SAMD4A: variants seen among roughly 807,000 people sequenced by gnomAD.
The protein encoded by SAMD4A is protein Smaug homolog 1.
A neutral mutation model predicts 81.3 loss-of-function variants in SAMD4A; 33 were observed. The observed-to-expected ratio is 0.41, with a 90% confidence interval of 0.31 to 0.54. SAMD4A has a LOEUF of 0.54. SAMD4A is among the 20% of genes least tolerant of loss of function. SAMD4A has a pLI of 0.37. For missense variants in SAMD4A, 854 were observed against 951.1 expected (o/e 0.90, Z 1.34); for synonymous variants, 389 against 382.1 (o/e 1.02, Z -0.21).
chr14:54,680,791 C>T (rs1422962029), intron 2 of SAMD4A, among the ~76,000 whole-genome samples: 2 of 152,122 alleles, frequency 1.3e-5, no homozygotes, highest in Admixed American at 1.3e-4. Context: ...GAGGACACTG[C>T]CAGTAAGAGT....
At chr14:54,685,765 C>G in intron 2 of SAMD4A, 2 of 456,694 alleles carry the variant, frequency 4.4e-6, no homozygotes, top group Non-Finnish European at 8.8e-6. Flanking sequence ...CAGAAAATCT[C>G]TGAGGTCCCT....
chr14:54,711,405 G>A (rs1474658890), intron 3 of SAMD4A, among the ~76,000 whole-genome samples: 2 of 152,120 alleles, frequency 1.3e-5, no homozygotes, highest in Non-Finnish European at 2.9e-5. Flanking sequence ...AAAAAAACTA[G>A]TGATCGTAAA....
chr14:54,664,299 C>T (rs1433702843), intron 2 of SAMD4A, among the ~76,000 whole-genome samples: 2 of 152,156 alleles, frequency 1.3e-5, no homozygotes, highest in South Asian at 2.1e-4. Flanking sequence ...GGCATGGCCC[C>T]TGTACTTCTA....
At chr14:54,644,184 A>T (rs747820817) in intron 2 of SAMD4A, among the ~76,000 whole-genome samples, 4 of 152,196 alleles carry the variant, frequency 2.6e-5, no homozygotes, top group Non-Finnish European at 5.9e-5. Flanking sequence ...GAATCTGAGC[A>T]TCTCAGCCCT....
chr14:54,721,822 C>T (rs541946367), intron 3 of SAMD4A, among the ~76,000 whole-genome samples: 1 of 152,288 alleles, frequency 6.6e-6, no homozygotes, highest in Non-Finnish European at 1.5e-5. Flanking sequence ...AGAGATTCTG[C>T]TGTTCTGCTT....
chr14:54,743,621 C>T (rs1020472095), intron 4 of SAMD4A, among the ~76,000 whole-genome samples: 4 of 151,032 alleles, frequency 2.6e-5, no homozygotes, highest in Non-Finnish European at 5.9e-5. Context: ...ACGGAAACTG[C>T]GGGGAGAAGG....
intron 2 of SAMD4A, among the ~76,000 whole-genome samples, chr14:54,698,976 A>T (rs1046344129): frequency 6.6e-6 from 1 of 151,806 alleles, no homozygotes; most frequent in Non-Finnish European, 1.5e-5. Context: ...AGAATGTCCA[A>T]TCAGGGAAAT....
At chr14:54,739,081 C>G (rs563153941) in intron 4 of SAMD4A, among the ~76,000 whole-genome samples, 3 of 67,936 alleles carry the variant, frequency 4.4e-5, no homozygotes, top group Non-Finnish European at 7.3e-5. Flanking sequence ...TTTTGAGGCC[C>G]TTATGCACAC....
intron 2 of SAMD4A, chr14:54,668,817 T>TA (rs1462466971): frequency 6.6e-6 from 1 of 152,268 alleles, no homozygotes; most frequent in Non-Finnish European, 1.5e-5. Context: ...CAAGAGAGGT[T>TA]AAGTAACTTG....
chr14:54,649,831 T>G (rs1320914450), intron 2 of SAMD4A, among the ~76,000 whole-genome samples: 1 of 152,228 alleles, frequency 6.6e-6, no homozygotes, highest in Non-Finnish European at 1.5e-5. Flanking sequence ...TGTCACACAA[T>G]CATTTGCCTG....
intron 2 of SAMD4A, among the ~76,000 whole-genome samples, chr14:54,603,203 A>G (rs138200256): frequency 3.3e-5 from 5 of 152,354 alleles, no homozygotes; most frequent in African/African-American, 9.6e-5. Context: ...AGCTCATAGC[A>G]TTTCCATCAA....
chr14:54,757,690 AGCGTG>A (rs2038283224), intron 6 of SAMD4A, among the ~76,000 whole-genome samples: 1 of 152,138 alleles, frequency 6.6e-6, no homozygotes, highest in Non-Finnish European at 1.5e-5. Context: ...TGATCACCCC[AGCGTG>A]GCTTTCCTAG....
chr14:54,679,109 G>A (rs1289152400), intron 2 of SAMD4A, among the ~76,000 whole-genome samples: 6 of 152,190 alleles, frequency 3.9e-5, no homozygotes, highest in Non-Finnish European at 5.9e-5. Context: ...AGGACTTTGG[G>A]GAAACTCGCA....
intron 2 of SAMD4A, among the ~76,000 whole-genome samples, chr14:54,588,859 C>T (rs994681892): frequency 5.9e-5 from 9 of 151,940 alleles, no homozygotes; most frequent in Admixed American, 3.3e-4. Context: ...TTTATGCAGT[C>T]TATTGACAGG....
chr14:54,714,089 ATATC>A (rs1302018125), intron 3 of SAMD4A, among the ~76,000 whole-genome samples: 9 of 152,176 alleles, frequency 5.9e-5, no homozygotes, highest in Non-Finnish European at 1.3e-4. Flanking sequence ...TAAAACATAA[ATATC>A]TATATCCATT....
At chr14:54,735,463 C>G (rs2037668535) in intron 3 of SAMD4A, among the ~76,000 whole-genome samples, 1 of 152,192 alleles carries the variant, frequency 6.6e-6, no homozygotes, top group Non-Finnish European at 1.5e-5. Context: ...TCTCAGGTTA[C>G]TAATACTAAA....
intron 2 of SAMD4A, among the ~76,000 whole-genome samples, chr14:54,666,082 C>A (rs2035750957): frequency 6.6e-6 from 1 of 152,130 alleles, no homozygotes; most frequent in Admixed American, 6.5e-5. Flanking sequence ...TCTAAGCCAT[C>A]CTTGACCAAG....
intron 2 of SAMD4A, among the ~76,000 whole-genome samples, chr14:54,600,144 C>CT (rs140089456): frequency 0.02 from 3,035 of 152,278 alleles, 40 homozygotes; most frequent in Non-Finnish European, 0.032. Flanking sequence ...TTTCTTTCTT[C>CT]TTTTTAAATT....
In SAMD4A at chr14:54,743,159, G is replaced by A. The variant is rs1484132896; in HGVS notation, c.980-5656G>A. On this transcript the variant is annotated intron_variant, in intron 4 of 12. Coordinates refer to ENST00000554335, the MANE Select transcript of SAMD4A (RefSeq NM_015589.6). Reference sequence around the variant, plus strand: ...TCACAGAGGTCTGAGTGATGGAGTGGGAGTGGCAAAGCTCCATGAGTGGCT... The same window carrying A: ...TCACAGAGGTCTGAGTGATGGAGTGAGAGTGGCAAAGCTCCATGAGTGGCT... Among the ~76,000 whole-genome samples the A allele has an allele frequency of 2.0e-5, 3 of 152,148 alleles. No homozygotes were observed. The East Asian group carries it at 5.8e-4, about 29-fold the overall frequency.
Sources: allele counts gnomAD v4.1 joint callset (sites outside exome capture counted in the v4.1 genomes callset), GRCh38; gene constraint gnomAD v4.1.1; transcripts MANE v1.5; gene names NCBI Gene and HGNC (gene_info 2026-07-23, HGNC 2026-07-21).